SLC34A1: variants seen among roughly 807,000 people sequenced by gnomAD.
SLC34A1 encodes sodium-dependent phosphate transport protein 2A.
SLC34A1 carries 57 observed loss-of-function variants against 51.4 expected under a neutral mutation model. That is an observed-to-expected ratio of 1.11 (90% CI 0.90 to 1.38). SLC34A1 has a LOEUF of 1.38. Ranked by LOEUF, SLC34A1 falls within the 40% of genes most tolerant of loss-of-function variation. SLC34A1 has a pLI of 0.00. For missense variants in SLC34A1, 796 were observed against 835.6 expected (o/e 0.95, Z 0.58); for synonymous variants, 368 against 358.0 (o/e 1.03, Z -0.32).
intron 12 of SLC34A1, 96 bp downstream of exon 12, chr5:177,397,170 A>G: frequency 1.3e-6 from 2 of 1,497,782 alleles, no homozygotes; most frequent in Admixed American, 3.9e-5. Context: ...AAATATTTTG[A>G]CTGCCTACTA....
At position 177,388,153 on chromosome 5, in the gene SLC34A1, GATC is replaced by G. The variant is rs1762668542; in HGVS notation, c.809_811del (p.Ile270del). 1 of 1,614,148 alleles carries G rather than the reference GATC, an allele frequency of 6.2e-7. No individual in the cohort carries two copies. The highest frequency in any genetic ancestry group is 8.5e-7 in the Non-Finnish European group (1 of 1,180,014). ...GCCGTGATGCTCCTGACCTGCTCAA[GATC>G]ATCACAGAGCCCTTCACGAAGCTCA... On this transcript the variant is annotated inframe_deletion, in exon 7 of 13. Transcript: ENST00000324417. The surrounding 1 kb of genome is among the most constrained non-coding windows in gnomAD (Gnocchi z 4.3).
In SLC34A1 at chr5:177,386,154, G is replaced by A; in HGVS notation, c.259+18G>A. 3 of 1,613,890 alleles carry A rather than the reference G, an allele frequency of 1.9e-6. No homozygotes were observed. Among genetic ancestry groups the A allele is most frequent in the South Asian group, 1.1e-5 (1 of 91,074 alleles). On this transcript the variant is annotated intron_variant, in intron 3 of 12. Coordinates refer to ENST00000324417, the MANE Select transcript of SLC34A1 (RefSeq NM_003052.5). This position sits in a 1 kb window ranked among gnomAD's most constrained non-coding sequence, Gnocchi z 4.8. ...GAAGCCAGGTGGGCCTGGGCTGGGG[G>A]TGGCAGAGGCGGCAGCAGTCCCTGC...
In SLC34A1 at chr5:177,396,876, G is replaced by C. The variant is rs751961334; in HGVS notation, c.1291+27G>C. ...TGAGTGCCCATGTAGAGGTGGAGTG[G>C]GGTGGGCCAGGGCTGGCAGGGAAAG... On this transcript the variant is annotated intron_variant, in intron 11 of 12. Transcript: ENST00000324417. This position sits in a 1 kb window ranked among gnomAD's most constrained non-coding sequence, Gnocchi z 4.0. 17 of 1,614,044 alleles carry C rather than the reference G, an allele frequency of 1.1e-5. No individual in the cohort carries two copies. The African/African-American group carries it at 2.1e-4, about 20-fold the overall frequency.
intron 8 of SLC34A1, chr5:177,390,154 C>T (rs989332524): frequency 9.8e-7 from 1 of 1,016,846 alleles, no homozygotes; most frequent in African/African-American, 1.7e-5. Context: ...CAACTTTCAC[C>T]ATGCTGGACC....
At chr5:177,397,406 G>A (rs1476646983) in intron 12 of SLC34A1, 1 of 487,830 alleles carries the variant, frequency 2.0e-6, no homozygotes, top group Non-Finnish European at 3.7e-6. Context: ...AATGGCAAAG[G>A]GGAATTATTC....
chr5:177,394,688 C>CTTGTTTT (rs1762905106), intron 10 of SLC34A1, among the ~76,000 whole-genome samples: 1 of 105,100 alleles, frequency 9.5e-6, no homozygotes, highest in African/African-American at 4.0e-5. Context: ...GAGACTTTGT[C>CTTGTTTT]TTTTTTTTTT....
chr5:177,385,230 G>A (rs1189640951), intron 1 of SLC34A1, among the ~76,000 whole-genome samples: 1 of 152,164 alleles, frequency 6.6e-6, no homozygotes, highest in Non-Finnish European at 1.5e-5. Flanking sequence ...CCCAGCCCCA[G>A]CCCACACCTG....
At position 177,397,241 on chromosome 5, in the gene SLC34A1, G is replaced by T; in HGVS notation, c.1416+167G>T. Reference sequence around the variant, plus strand: ...GCAAAGTAGACCCAATACCACCCTCGAGACCTTAGCATCTAATAGGGAGAC... The same window carrying T: ...GCAAAGTAGACCCAATACCACCCTCTAGACCTTAGCATCTAATAGGGAGAC... On this transcript the variant is annotated intron_variant, in intron 12 of 12. Transcript: ENST00000324417. 9.2e-6 allele frequency: 7 copies of T among 759,188 alleles called. No individual in the cohort carries two copies. The South Asian group carries it at 1.2e-4, about 13-fold the overall frequency. 47.0% of individuals were successfully genotyped at this position (759,188 alleles called of 1,614,324 possible).
intron 10 of SLC34A1, among the ~76,000 whole-genome samples, chr5:177,395,348 A>G (rs1762924773): frequency 6.6e-6 from 1 of 152,138 alleles, no homozygotes; most frequent in Non-Finnish European, 1.5e-5. Flanking sequence ...TGGCATTTGA[A>G]CAGACACAAG....
intron 10 of SLC34A1, among the ~76,000 whole-genome samples, chr5:177,394,982 C>T (rs992182117): frequency 2.6e-5 from 4 of 151,872 alleles, no homozygotes; most frequent in African/African-American, 9.7e-5. Context: ...CATGAGCCAC[C>T]GTGCCCGGCC....
At position 177,398,365 on chromosome 5, in the gene SLC34A1, G is replaced by C. The variant is rs886060468; in HGVS notation, c.*79G>C. ...GGGGAGGGAGGGTGTGTGTAGGTAT[G>C]TGCATGTGCCTGTGCCACCCTGGGT... On this transcript the variant is annotated 3_prime_UTR_variant, in exon 13 of 13. Transcript: ENST00000324417. The surrounding 1 kb of genome is among the most constrained non-coding windows in gnomAD (Gnocchi z 4.7). The C allele has an allele frequency of 6.5e-7, 1 of 1,541,794 alleles. No homozygotes were observed. Among genetic ancestry groups the C allele is most frequent in the East Asian group, 2.2e-5 (1 of 44,586 alleles).
chr5:177,397,809 C>T lies in SLC34A1; in HGVS notation c.1443C>T (p.Asn481=), dbSNP rs137867155. 1.2e-4 allele frequency: 196 copies of T among 1,612,120 alleles called. No individual in the cohort carries two copies. The highest frequency in any genetic ancestry group is 1.6e-4 in the Non-Finnish European group (191 of 1,180,020). ...FQIALCHFFF[N]ISGILLWYPV... is the part of the protein sequence containing the mutation. ...TTGCCCTCTGTCACTTCTTCTTCAACATCTCGGGTATCCTTCTGTGGTACC... is the reference window on the plus strand; with the variant it reads ...TTGCCCTCTGTCACTTCTTCTTCAATATCTCGGGTATCCTTCTGTGGTACC... The change falls in exon 13 of 13, where the codon AAC becomes AAT. Residue 481 remains asparagine (N), a synonymous_variant. Coordinates refer to ENST00000324417, the MANE Select transcript of SLC34A1 (RefSeq NM_003052.5).
Position 177,398,232 on chromosome 5 carries a change from C to G in SLC34A1, c.1866C>G (p.Ala622=), listed in dbSNP as rs2127356361. 3 of 1,601,478 alleles carry G rather than the reference C, an allele frequency of 1.9e-6. No individual in the cohort carries two copies. In the Admixed American group the frequency reaches 5.0e-5, roughly 27 times the overall value. ...PRVFLEELPP[A]TPSPRLALPA... ...TCTTCCTGGAGGAGCTACCCCCTGCCACACCCTCCCCCCGTCTTGCACTGC... is the reference window on the plus strand; with the variant it reads ...TCTTCCTGGAGGAGCTACCCCCTGCGACACCCTCCCCCCGTCTTGCACTGC... The change falls in exon 13 of 13, where the codon GCC becomes GCG. Residue 622 remains alanine (A), a synonymous_variant. Transcript: ENST00000324417. The surrounding 1 kb of genome is among the most constrained non-coding windows in gnomAD (Gnocchi z 4.7).
At chr5:177,392,204 G>A (rs1173443826) in intron 8 of SLC34A1, among the ~76,000 whole-genome samples, 1 of 152,232 alleles carries the variant, frequency 6.6e-6, no homozygotes, top group Non-Finnish European at 1.5e-5. Context: ...GCTCACACCT[G>A]TAATCCCAGC....
rs1285707058 is a variant in SLC34A1 at position 177,386,337 on chromosome 5, C to T, written c.376C>T (p.Gln126Ter). 3 of 1,614,278 alleles carry T rather than the reference C, an allele frequency of 1.9e-6. No homozygotes were observed. In the South Asian group the frequency reaches 3.3e-5, roughly 18 times the overall value. The part of the protein sequence containing the change: ...CSLDMLSSAF[Q>*]LAGGKVAGDI... The stretch of plus-strand genomic sequence containing the variant: ...CCTGGACATGCTCAGCTCGGCCTTC[C>T]AGCTGGCTGGAGGTAGGGCCCGGGT... The change falls in exon 4 of 13, where the codon CAG becomes TAG. Residue 126 changes from glutamine (Q) to a stop codon, truncating the protein, a stop_gained. Coordinates refer to ENST00000324417, the MANE Select transcript of SLC34A1 (RefSeq NM_003052.5). LOFTEE classifies it high-confidence loss of function. This position sits in a 1 kb window ranked among gnomAD's most constrained non-coding sequence, Gnocchi z 4.8.
chr5:177,385,145 G>A (rs1343572380), intron 1 of SLC34A1, among the ~76,000 whole-genome samples: 1 of 152,156 alleles, frequency 6.6e-6, no homozygotes, highest in African/African-American at 2.4e-5. Context: ...CTCCGTGTGT[G>A]CCCAGCTGAC....
intron 12 of SLC34A1, 149 bp downstream of exon 12, chr5:177,397,223 A>G (rs868043285): frequency 2.1e-5 from 20 of 969,956 alleles, no homozygotes; most frequent in Middle Eastern, 3.2e-4. Flanking sequence ...TGGGCAAAGT[A>G]GACCCAATAC....
intron 8 of SLC34A1, chr5:177,389,889 T>A: frequency 6.9e-7 from 1 of 1,439,962 alleles, no homozygotes; most frequent in Non-Finnish European, 9.1e-7. Context: ...TCTTCCTCAC[T>A]CTACCAGGAA....
chr5:177,397,691 C>T (rs1763015563), intron 12 of SLC34A1, 92 bp from the exon 13 acceptor site: 4 of 1,547,244 alleles, frequency 2.6e-6, no homozygotes. Flanking sequence ...CTGCCCAGAC[C>T]AGATCGGGGT....
Sources: gnomAD v4.1 joint callset for allele counts (sites outside exome capture counted in the v4.1 genomes callset) on GRCh38, gnomAD v4.1.1 for gene constraint, Gnocchi (gnomAD v3.1) non-coding constraint, MANE v1.5 for transcripts, NCBI Gene and HGNC (gene_info 2026-07-23, HGNC 2026-07-21) for gene names.